Variants in ELAVL4 observed in about 807,000 individuals in gnomAD.
The protein encoded by ELAVL4 is ELAV like RNA binding protein 4, also known as ELAV-like protein 4.
Under a neutral mutation model 35.6 loss-of-function variants are expected in ELAVL4, and 1 was observed. The ratio of observed to expected loss-of-function variants is 0.03; its 90% CI spans 0.01 to 0.13. The LOEUF is 0.13. Ranked by LOEUF, ELAVL4 falls within the 10% of genes least tolerant of loss-of-function variation. The pLI is 1.00. For missense variants in ELAVL4, 267 were observed against 464.9 expected, an observed-to-expected ratio of 0.57 and a Z score of 3.91; for synonymous variants, 156 against 171.0, an observed-to-expected ratio of 0.91 and a Z score of 0.69.
upstream of ELAVL4, among the ~76,000 whole-genome samples, chr1:50,102,447 T>C (rs1203991977): frequency 2.0e-5 from 3 of 151,798 alleles, no homozygotes; most frequent in Admixed American, 2.0e-4. Flanking sequence ...CCCTTTGACC[T>C]TTTCTTCCTT....
At chr1:50,165,719 T>C (rs569425739) in intron 2 of ELAVL4, among the ~76,000 whole-genome samples, 2 of 148,276 alleles carry the variant, frequency 1.3e-5, no homozygotes, top group Admixed American at 1.4e-4. Flanking sequence ...CTTATATATG[T>C]ATATACATGT....
intron 1 of ELAVL4, among the ~76,000 whole-genome samples, chr1:50,075,862 C>A (rs1241876624): frequency 6.6e-6 from 1 of 152,036 alleles, no homozygotes; most frequent in South Asian, 2.1e-4. Flanking sequence ...GAGTCTCACT[C>A]TGTCACCCAG....
At chr1:50,056,022 T>C (rs530515165) in intron 1 of ELAVL4, among the ~76,000 whole-genome samples, 1 of 152,292 alleles carries the variant, frequency 6.6e-6, no homozygotes, top group Admixed American at 6.5e-5. Context: ...TCTGGGTTAG[T>C]TGGCTCTGCT....
At chr1:50,068,277 G>C (rs1664358687) in intron 1 of ELAVL4, among the ~76,000 whole-genome samples, 1 of 152,148 alleles carries the variant, frequency 6.6e-6, no homozygotes, top group Admixed American at 6.5e-5. Flanking sequence ...GGAGAATAAG[G>C]ATGTCTTCAT....
rs1336445809 is a variant in ELAVL4 at position 50,049,700 on chromosome 1, T to A, written c.18+1518T>A. On this transcript the variant is annotated intron_variant, in intron 1 of 6. Coordinates refer to the ELAVL4 transcript ENST00000448907. ...GGATGGCTGGATTCCTTCCATTCAT[T>A]TTTTAAAGCACTAACAAAATCCTTG... Among the ~76,000 whole-genome samples, 3 of 152,176 alleles carry A rather than the reference T, an allele frequency of 2.0e-5. No individual in the cohort carries two copies. In the East Asian group the frequency reaches 5.8e-4, roughly 29 times the overall value.
At chr1:50,062,732 C>G (rs551160072) in intron 1 of ELAVL4, among the ~76,000 whole-genome samples, 35 of 152,282 alleles carry the variant, frequency 2.3e-4, no homozygotes, top group Non-Finnish European at 3.2e-4. Context: ...GAGAGTATCT[C>G]ACCTTATTTC....
intron 2 of ELAVL4, among the ~76,000 whole-genome samples, chr1:50,158,340 G>A (rs1337947580): frequency 6.6e-6 from 1 of 152,104 alleles, no homozygotes; most frequent in Non-Finnish European, 1.5e-5. Flanking sequence ...CAAAGCCTCT[G>A]TTTGTATTTA....
intron 1 of ELAVL4, among the ~76,000 whole-genome samples, chr1:50,081,877 T>G (rs944519476): frequency 4.6e-5 from 7 of 152,110 alleles, no homozygotes; most frequent in Admixed American, 4.6e-4. Context: ...CCCCTCCCTG[T>G]GTCCATGTGT....
intron 1 of ELAVL4, among the ~76,000 whole-genome samples, chr1:50,087,773 A>G (rs994818903): frequency 1.3e-5 from 2 of 152,204 alleles, no homozygotes; most frequent in African/African-American, 4.8e-5. Context: ...CCACCATGCA[A>G]GGACACAGTG....
At chr1:50,133,627 GAAAGAAAGAAAGA>G (rs1553174523) in intron 1 of ELAVL4, among the ~76,000 whole-genome samples, 3 of 149,002 alleles carry the variant, frequency 2.0e-5, no homozygotes, top group East Asian at 2.0e-4. Context: ...AAGAAAGAAA[GAAAGAAAGAAAGA>G]AAGAAAGAAA....
intron 1 of ELAVL4, chr1:50,048,249 G>C: frequency 7.0e-7 from 1 of 1,431,596 alleles, no homozygotes; most frequent in Non-Finnish European, 9.2e-7. Flanking sequence ...GACACCCGCT[G>C]GGCCACGTGG....
chr1:50,105,487 T>C (rs1458516734), upstream of ELAVL4, among the ~76,000 whole-genome samples: 1 of 152,196 alleles, frequency 6.6e-6, no homozygotes, highest in Non-Finnish European at 1.5e-5. Flanking sequence ...TGACAAGATA[T>C]AGTGAGAGAC....
At chr1:50,117,187 T>G (rs1006972265) in intron 1 of ELAVL4, among the ~76,000 whole-genome samples, 1 of 152,146 alleles carries the variant, frequency 6.6e-6, no homozygotes, top group Non-Finnish European at 1.5e-5. Flanking sequence ...TAATCACCTC[T>G]CTAGTGGAAA....
intron 2 of ELAVL4, among the ~76,000 whole-genome samples, chr1:50,147,807 A>G (rs917215980): frequency 6.6e-6 from 1 of 152,118 alleles, no homozygotes; most frequent in Non-Finnish European, 1.5e-5. Flanking sequence ...TGGCAAAGAG[A>G]TAAGAATTCA....
At chr1:50,100,243 T>C (rs1442206494), upstream of ELAVL4, among the ~76,000 whole-genome samples, 1 of 152,232 alleles carries the variant, frequency 6.6e-6, no homozygotes, top group Non-Finnish European at 1.5e-5. Flanking sequence ...ACACAGTGAA[T>C]GTTCCGTCAA....
chr1:50,086,161 T>G (rs948688550), intron 1 of ELAVL4, among the ~76,000 whole-genome samples: 5 of 152,168 alleles, frequency 3.3e-5, no homozygotes, highest in African/African-American at 1.2e-4. Context: ...TAAATGTACA[T>G]GTAGGCCATT....
chr1:50,164,770 A>G (rs1298729808), intron 2 of ELAVL4, among the ~76,000 whole-genome samples: 2 of 152,198 alleles, frequency 1.3e-5, no homozygotes, highest in African/African-American at 2.4e-5. Flanking sequence ...TGGTAAAAAA[A>G]AGATTTTGCT....
At chr1:50,103,938 C>T (rs193150754), upstream of ELAVL4, 56 of 1,613,784 alleles carry the variant, frequency 3.5e-5, no homozygotes, top group East Asian at 6.7e-5. Context: ...TGCTGTTGCA[C>T]GTGAATGCTC....
At chr1:50,093,666 G>A (rs772992727) in intron 1 of ELAVL4, among the ~76,000 whole-genome samples, 9 of 152,194 alleles carry the variant, frequency 5.9e-5, no homozygotes, top group Non-Finnish European at 1.3e-4. Context: ...GATGTAGAAA[G>A]CCCCATTACC....
Sources: allele counts gnomAD v4.1 joint callset (sites outside exome capture counted in the v4.1 genomes callset), GRCh38; gene constraint gnomAD v4.1.1; transcripts MANE v1.5; gene names NCBI Gene and HGNC (gene_info 2026-07-23, HGNC 2026-07-21).